The following NRN1L variants were observed in gnomAD, a reference collection of about 807,000 sequenced individuals.
NRN1L encodes the protein neuritin-like protein.
A neutral mutation model predicts 8.8 loss-of-function variants in NRN1L; 12 were observed. The observed-to-expected ratio is 1.36, with a 90% CI of 0.87 to 2.20. NRN1L has a LOEUF of 2.20. Among genes scored for constraint, NRN1L ranks in the 30% most tolerant of loss-of-function variants. The pLI is 0.00. For synonymous variants in NRN1L, 114 were observed against 99.2 expected (o/e 1.15, Z -0.88); for missense variants, 266 against 232.4 (o/e 1.14, Z -0.94).
chr16:67,885,693 T>TGCCCCCCCCCCCCCCC, intron 1 of NRN1L, 29 bp from the exon 2 acceptor site: 8 of 1,257,196 alleles, frequency 6.4e-6, no homozygotes, highest in Non-Finnish European at 8.8e-6. Context: ...TACCATTCCT[T>TGCCCCCCCCCCCCCCC]CCCCACCCCA....
rs374951501 is a variant in NRN1L, at chr16:67,886,132, G to A, written c.371G>A (p.Arg124His). The change falls in exon 3 of 3, where the codon CGC becomes CAC. Residue 124 changes from arginine to histidine, a missense_variant. Transcript: ENST00000339176. ...LCGAPVHVRE[R>H]GTGSETNQET... ...GGTGCCCCGGTGCATGTTCGGGAGC[G>A]CGGCACAGGCTCCGAAACCAACCAG... The A allele has an allele frequency of 2.9e-5, 46 of 1,611,964 alleles. No individual in the cohort carries two copies. Among genetic ancestry groups the A allele is most frequent in the Non-Finnish European group, 3.6e-5 (43 of 1,179,686 alleles).
chr16:67,887,267 A>T (rs1372993144), downstream of NRN1L, among the ~76,000 whole-genome samples: 1 of 150,444 alleles, frequency 6.6e-6, no homozygotes, highest in Non-Finnish European at 1.5e-5. Flanking sequence ...GACTTCTATT[A>T]TCACTCCCTC....
Position 67,886,285 on chromosome 16 carries a change from G to A in NRN1L, c.*26G>A, listed in dbSNP as rs367713214. On this transcript the variant is annotated 3_prime_UTR_variant, in exon 3 of 3. Transcript: ENST00000339176. ...CTTGTTGGGTTGGGTAGCAGCGCCCGTACCTCCAGCCCTGCTCTGGCGGTG... is the reference window on the plus strand; with the variant it reads ...CTTGTTGGGTTGGGTAGCAGCGCCCATACCTCCAGCCCTGCTCTGGCGGTG... 44 of 1,552,212 alleles carry A rather than the reference G, an allele frequency of 2.8e-5. No homozygotes were observed. The highest frequency in any genetic ancestry group is 3.7e-5 in the Admixed American group (2 of 54,630).
Position 67,885,859 on chromosome 16 carries a change from C to T in NRN1L, c.212+5C>T, listed in dbSNP as rs761653018. 47 of 1,570,576 alleles carry T rather than the reference C, an allele frequency of 3.0e-5. 1 individual carries two copies. The highest frequency in any genetic ancestry group is 3.6e-5 in the Admixed American group (2 of 55,412). On this transcript the variant is annotated splice_donor_5th_base_variant and intron_variant, in intron 2 of 2. Transcript: ENST00000339176. ...CGAGCTGGAGACCATCTGCAGGTAC[C>T]GGCGGGTGTGAGGCAGTGGCCCAAC...
In NRN1L at chr16:67,885,749, C is replaced by T; in HGVS notation, c.107C>T (p.Ala36Val). ...LVLLPPLAAA[A>V]AGPNRCDTIY... The stretch of plus-strand genomic sequence containing the variant: ...CTTTTACCTCCCCTGGCAGCAGCTG[C>T]AGCGGGCCCAAACCGATGTGACACC... Residue 36 changes from alanine (A) to valine (V), a missense_variant, in exon 2 of 3, where the codon GCA becomes GTA. By Grantham distance (64) the Ala-to-Val change is moderately conservative (BLOSUM62 0). Transcript: ENST00000339176. 6.2e-7 allele frequency: 1 copy of T among 1,605,822 alleles called. No homozygotes were observed. Among genetic ancestry groups the T allele is most frequent in the African/African-American group, 1.3e-5 (1 of 74,578 alleles).
Position 67,885,718 on chromosome 16 carries a change from C to G in NRN1L, c.80-4C>G. On this transcript the variant is annotated splice_polypyrimidine_tract_variant and splice_region_variant and intron_variant, in intron 1 of 2. Coordinates refer to ENST00000339176, the MANE Select transcript of NRN1L (RefSeq NM_198443.2). Reference sequence around the variant, plus strand: ...TCCCCACCCCACCCCCGCCCCACTTCTAGTCCTTTTACCTCCCCTGGCAGC... The same window carrying G: ...TCCCCACCCCACCCCCGCCCCACTTGTAGTCCTTTTACCTCCCCTGGCAGC... 1.5e-6 allele frequency: 2 copies of G among 1,318,922 alleles called. No homozygotes were observed. Among genetic ancestry groups the G allele is most frequent in the Non-Finnish European group, 2.1e-6 (2 of 944,734 alleles). 81.7% of individuals were successfully genotyped at this position (1,318,922 alleles called of 1,614,324 possible).
At chr16:67,886,738 C>T (rs2058097844), downstream of NRN1L, among the ~76,000 whole-genome samples, 1 of 152,186 alleles carries the variant, frequency 6.6e-6, no homozygotes, top group Non-Finnish European at 1.5e-5. Context: ...AGCTCCACCC[C>T]CTCCCCAGCC....
Position 67,886,303 on chromosome 16 carries a change from T to C in NRN1L, c.*44T>C. 1 of 1,494,042 alleles carries C rather than the reference T, an allele frequency of 6.7e-7. No homozygotes were observed. Among genetic ancestry groups the C allele is most frequent in the Non-Finnish European group, 8.9e-7 (1 of 1,118,802 alleles). The allele number at this position is 1,494,042 out of a possible 1,614,324, so 92.5% of individuals were successfully genotyped here. ...AGCGCCCGTACCTCCAGCCCTGCTCTGGCGGTGGTTGTCCAGGCTCTGCAG... is the reference window on the plus strand; with the variant it reads ...AGCGCCCGTACCTCCAGCCCTGCTCCGGCGGTGGTTGTCCAGGCTCTGCAG... On this transcript the variant is annotated 3_prime_UTR_variant, in exon 3 of 3. Coordinates refer to ENST00000339176, the MANE Select transcript of NRN1L (RefSeq NM_198443.2).
Position 67,885,717 on chromosome 16 carries a change from T to G in NRN1L, c.80-5T>G, listed in dbSNP as rs763715572. 8 of 732,468 alleles carry G rather than the reference T, an allele frequency of 1.1e-5. No individual in the cohort carries two copies. The highest frequency in any genetic ancestry group is 1.6e-5 in the Non-Finnish European group (7 of 447,088). The allele number at this position is 732,468 out of a possible 1,614,324, so 45.4% of individuals were successfully genotyped here. ...TTCCCCACCCCACCCCCGCCCCACT[T>G]CTAGTCCTTTTACCTCCCCTGGCAG... On this transcript the variant is annotated splice_polypyrimidine_tract_variant and splice_region_variant and intron_variant, in intron 1 of 2. Coordinates refer to ENST00000339176, the MANE Select transcript of NRN1L (RefSeq NM_198443.2).
At chr16:67,885,098 C>T in intron 1 of NRN1L, 116 bp downstream of exon 1, 1 of 824,936 alleles carries the variant, frequency 1.2e-6, no homozygotes, top group Non-Finnish European at 2.0e-6. Flanking sequence ...TGTAAGGGCT[C>T]CAGGAAGGTG....
At position 67,886,294 on chromosome 16, in the gene NRN1L, G is replaced by C. The variant is rs766219278; in HGVS notation, c.*35G>C. Reference sequence around the variant, plus strand: ...TTGGGTAGCAGCGCCCGTACCTCCAGCCCTGCTCTGGCGGTGGTTGTCCAG... The same window carrying C: ...TTGGGTAGCAGCGCCCGTACCTCCACCCCTGCTCTGGCGGTGGTTGTCCAG... On this transcript the variant is annotated 3_prime_UTR_variant, in exon 3 of 3. Transcript: ENST00000339176. 6.5e-7 allele frequency: 1 copy of C among 1,527,268 alleles called. No homozygotes were observed. The highest frequency in any genetic ancestry group is 8.8e-7 in the Non-Finnish European group (1 of 1,140,530). 94.6% of individuals were successfully genotyped at this position (1,527,268 alleles called of 1,614,324 possible).
rs925048438 is a variant in NRN1L, at chr16:67,886,031, G to A, written c.270G>A (p.Glu90=). Residue 90 remains glutamate (E), a synonymous_variant, in exon 3 of 3, where the codon GAG becomes GAA. Transcript: ENST00000339176. ...ASQVLSGCPE[E]AAAVWESLQQ... ...AGGTCCTGTCAGGCTGTCCGGAGGA[G>A]GCAGCTGCAGTGTGGGAATCACTAC... 3 of 1,614,128 alleles carry A rather than the reference G, an allele frequency of 1.9e-6. No individual in the cohort carries two copies. The East Asian group carries it at 6.7e-5, about 36-fold the overall frequency.
Position 67,885,791 on chromosome 16 carries a change from C to G in NRN1L, c.149C>G (p.Ala50Gly). ...NRCDTIYQGF[A>G]ECLIRLGDSM... ...TGTGACACCATATACCAGGGCTTCG[C>G]CGAGTGTCTCATCCGCTTGGGGGAC... The change falls in exon 2 of 3, where the codon GCC becomes GGC. Residue 50 changes from alanine (A) to glycine (G), a missense_variant. Coordinates refer to ENST00000339176, the MANE Select transcript of NRN1L (RefSeq NM_198443.2). 1 of 1,597,542 alleles carries G rather than the reference C, an allele frequency of 6.3e-7. No homozygotes were observed. The highest frequency in any genetic ancestry group is 8.5e-7 in the Non-Finnish European group (1 of 1,173,584).
At chr16:67,885,059 G>A in intron 1 of NRN1L, 77 bp downstream of exon 1, 1 of 1,241,464 alleles carries the variant, frequency 8.1e-7, no homozygotes, top group Non-Finnish European at 1.2e-6. Flanking sequence ...GGGTGTGTGG[G>A]AACGCTGGGT....
rs370856682 is a variant in NRN1L at position 67,885,763 on chromosome 16, C to A, written c.121C>A (p.Arg41=). ...GGCAGCAGCTGCAGCGGGCCCAAAC[C>A]GATGTGACACCATATACCAGGGCTT... ...PLAAAAAGPN[R]CDTIYQGFAE... Residue 41 remains arginine (R), a synonymous_variant, in exon 2 of 3, where the codon CGA becomes AGA. Transcript: ENST00000339176. 1 of 1,609,710 alleles carries A rather than the reference C, an allele frequency of 6.2e-7. No individual in the cohort carries two copies. The highest frequency in any genetic ancestry group is 8.5e-7 in the Non-Finnish European group (1 of 1,178,082).
downstream of NRN1L, among the ~76,000 whole-genome samples, chr16:67,888,503 G>C (rs1260786485): frequency 6.6e-6 from 1 of 152,102 alleles, no homozygotes; most frequent in Non-Finnish European, 1.5e-5. Flanking sequence ...AGCGGGGCTT[G>C]GGGAGGGGGG....
rs1555497617 is a variant in NRN1L at position 67,884,913 on chromosome 16, T to TGCTGCCGCCGCC, written c.16_27dup (p.Arg6_Cys9dup). 3.7e-6 allele frequency: 6 copies of TGCTGCCGCCGCC among 1,605,158 alleles called. No homozygotes were observed. The African/African-American group carries it at 6.7e-5, about 18-fold the overall frequency. ...AGGCTCTCAGCCAGGGATGATGCGC[T>TGCTGCCGCCGCC]GCTGCCGCCGCCGCTGCTGCTGCCG... On this transcript the variant is annotated inframe_insertion, in exon 1 of 3. Transcript: ENST00000339176. The surrounding 1 kb of genome is among the most constrained non-coding windows in gnomAD (Gnocchi z 4.1).
Position 67,886,285 on chromosome 16 carries a change from G to GT in NRN1L, c.*27dup. 11 of 1,552,336 alleles carry GT rather than the reference G, an allele frequency of 7.1e-6. No individual in the cohort carries two copies. Among genetic ancestry groups the GT allele is most frequent in the Non-Finnish European group, 9.5e-6 (11 of 1,153,912 alleles). Reference sequence around the variant, plus strand: ...CTTGTTGGGTTGGGTAGCAGCGCCCGTACCTCCAGCCCTGCTCTGGCGGTG... The same window carrying GT: ...CTTGTTGGGTTGGGTAGCAGCGCCCGTTACCTCCAGCCCTGCTCTGGCGGTG... On this transcript the variant is annotated 3_prime_UTR_variant, in exon 3 of 3. Coordinates refer to ENST00000339176, the MANE Select transcript of NRN1L (RefSeq NM_198443.2).
At position 67,885,724 on chromosome 16, in the gene NRN1L, C is replaced by A; in HGVS notation, c.82C>A (p.Leu28Ile). 1.2e-5 allele frequency: 18 copies of A among 1,558,584 alleles called. No individual in the cohort carries two copies. Among genetic ancestry groups the A allele is most frequent in the Non-Finnish European group, 1.5e-5 (17 of 1,138,872 alleles). Residue 28 changes from leucine (L) to isoleucine (I), a missense_variant and splice_region_variant, in exon 2 of 3, where the codon CTT becomes ATT. By Grantham distance (5) the Leu-to-Ile change is conservative. Coordinates refer to ENST00000339176, the MANE Select transcript of NRN1L (RefSeq NM_198443.2). ...CCCCACCCCCGCCCCACTTCTAGTC[C>A]TTTTACCTCCCCTGGCAGCAGCTGC... ...LRPLLLLPLV[L>I]LPPLAAAAAG...
Sources: gnomAD v4.1 joint callset for allele counts (sites outside exome capture counted in the v4.1 genomes callset) on GRCh38, gnomAD v4.1.1 for gene constraint, Gnocchi (gnomAD v3.1) non-coding constraint, MANE v1.5 for transcripts, NCBI Gene and HGNC (gene_info 2026-07-23, HGNC 2026-07-21) for gene names.